The following INTS4 variants were observed in gnomAD, a reference collection of about 807,000 sequenced individuals.
INTS4 encodes MSTP093.
In INTS4, 70 loss-of-function variants were observed where a neutral mutation model predicts 119.5. The observed-to-expected ratio is 0.59, with a 90% CI of 0.48 to 0.71. The LOEUF (loss-of-function observed/expected upper bound fraction) is 0.71. Among genes scored for constraint, INTS4 ranks in the 30% least tolerant of loss-of-function variants. The pLI, the probability that INTS4 is intolerant of heterozygous loss-of-function variation, is 0.00. For synonymous variants in INTS4, 316 were observed against 419.6 expected, an observed-to-expected ratio of 0.75 and a Z score of 3.02; for missense variants, 867 against 1,173.2, an observed-to-expected ratio of 0.74 and a Z score of 3.81.
chr11:77,905,318 G>A (rs1490027935), intron 16 of INTS4, among the ~76,000 whole-genome samples: 3 of 152,026 alleles, frequency 2.0e-5, no homozygotes, highest in South Asian at 2.1e-4. Flanking sequence ...TTAGCCAGGC[G>A]TGGTGGTGCA....
At chr11:77,978,509 C>T (rs1458391438) in intron 4 of INTS4, 2 of 152,170 alleles carry the variant, frequency 1.3e-5, no homozygotes, top group African/African-American at 2.4e-5. Flanking sequence ...AAAAAAAGAA[C>T]GTACAAAACT....
At chr11:77,982,078 A>C (rs1398724001) in intron 2 of INTS4, among the ~76,000 whole-genome samples, 3 of 152,020 alleles carry the variant, frequency 2.0e-5, no homozygotes, top group Non-Finnish European at 4.4e-5. Context: ...GAGTCCCTGG[A>C]AAGTGAGTGT....
At chr11:77,986,123 G>A (rs554571942) in intron 2 of INTS4, among the ~76,000 whole-genome samples, 1 of 152,300 alleles carries the variant, frequency 6.6e-6, no homozygotes, top group African/African-American at 2.4e-5. Flanking sequence ...ACTGGTTAAA[G>A]TGCTTGAGAT....
rs567324184 is a variant in INTS4 at position 77,893,618 on chromosome 11, G to A, written c.2288+672C>T. On this transcript the variant is annotated intron_variant, in intron 19 of 22. Transcript: ENST00000534064. ...AAAAAATAATAATGAGGTCAGACAC[G>A]GCGGTGGCTCACGCCTGTAATCCCA... Among the ~76,000 whole-genome samples, 34 of 151,850 alleles carry A rather than the reference G, an allele frequency of 2.2e-4. No homozygotes were observed. In the East Asian group the frequency reaches 5.8e-3, roughly 26 times the overall value.
In INTS4 at chr11:77,928,458, T is replaced by C. The variant is rs556037618; in HGVS notation, c.1255A>G (p.Met419Val). Residue 419 changes from methionine to valine, a missense_variant, in exon 11 of 23, where the codon ATG becomes GTG. By Grantham distance (21) the Met-to-Val change is conservative (BLOSUM62 1). This residue lies in a region of INTS4 where 208 missense variants were observed against 306.6 expected (regional missense o/e 0.68). Transcript: ENST00000534064. ...ACTTCCTCAATTTCATCGTTGAACA[T>C]GTCAACTAGGAAATCAAGGCACTTC... The part of the protein sequence containing the change: ...AEKCLDFLVD[M>V]FNDEIEEVRL... 9.3e-6 allele frequency: 15 copies of C among 1,612,182 alleles called. No homozygotes were observed. The highest frequency in any genetic ancestry group is 1.3e-5 in the Non-Finnish European group (15 of 1,178,892).
At chr11:77,943,017 C>T (rs1953964570) in intron 8 of INTS4, among the ~76,000 whole-genome samples, 1 of 152,132 alleles carries the variant, frequency 6.6e-6, no homozygotes, top group Non-Finnish European at 1.5e-5. Flanking sequence ...ATCCAAACAA[C>T]AATTTTATAA....
intron 16 of INTS4, 65 bp from the exon 17 acceptor site, chr11:77,903,685 T>A (rs2136446182): frequency 7.7e-7 from 1 of 1,299,786 alleles, no homozygotes; most frequent in South Asian, 1.4e-5. Context: ...TCATTTGGGA[T>A]TTACATTTTT....
chr11:77,915,361 G>A (rs1953182247), intron 15 of INTS4: 1 of 152,222 alleles, frequency 6.6e-6, no homozygotes, highest in Admixed American at 6.5e-5. Flanking sequence ...CAGGGCATGA[G>A]AGTTGCTATG....
chr11:77,979,474 T>TA (rs1158454779), intron 3 of INTS4, among the ~76,000 whole-genome samples: 4 of 150,056 alleles, frequency 2.7e-5, no homozygotes, highest in Non-Finnish European at 4.5e-5. Context: ...GACCCAGTCC[T>TA]AAAAAAACAG....
intron 2 of INTS4, among the ~76,000 whole-genome samples, chr11:77,983,646 C>T (rs1375499841): frequency 2.6e-5 from 4 of 152,110 alleles, no homozygotes; most frequent in African/African-American, 7.2e-5. Flanking sequence ...ATCTCATACT[C>T]GTTAAGATGG....
intron 15 of INTS4, among the ~76,000 whole-genome samples, chr11:77,908,099 A>G (rs527683244): frequency 6.6e-6 from 1 of 152,296 alleles, no homozygotes; most frequent in East Asian, 1.9e-4. Context: ...TAAGAGAAAT[A>G]TTCAACAGAA....
intron 10 of INTS4, among the ~76,000 whole-genome samples, chr11:77,931,175 A>G (rs942937157): frequency 1.8e-4 from 28 of 152,364 alleles, no homozygotes; most frequent in Non-Finnish European, 3.5e-4. Context: ...CCTAAAAACA[A>G]TAACTAAAAG....
chr11:77,889,315 A>G (rs113671826), intron 21 of INTS4, among the ~76,000 whole-genome samples: 25,461 of 148,850 alleles, frequency 0.17, 2,577 homozygotes, highest in African/African-American at 0.27. Context: ...CAAACACCGC[A>G]TGTTCTCACT....
chr11:77,957,955 G>A (rs900386344), intron 7 of INTS4, among the ~76,000 whole-genome samples: 3 of 151,850 alleles, frequency 2.0e-5, no homozygotes, highest in Non-Finnish European at 2.9e-5. Flanking sequence ...AGGCACCACC[G>A]TGTCCAGACT....
chr11:77,985,788 G>A (rs182938636), intron 2 of INTS4, among the ~76,000 whole-genome samples: 17 of 152,158 alleles, frequency 1.1e-4, no homozygotes, highest in Admixed American at 9.2e-4. Flanking sequence ...ATGGTCTGCC[G>A]ACTACACTGC....
chr11:77,950,491 A>C (rs1047417885), intron 8 of INTS4, among the ~76,000 whole-genome samples: 1 of 152,100 alleles, frequency 6.6e-6, no homozygotes, highest in Non-Finnish European at 1.5e-5. Context: ...AAGAGAAATA[A>C]ATTCTGGTGT....
intron 10 of INTS4, among the ~76,000 whole-genome samples, chr11:77,936,084 T>C (rs1331509711): frequency 2.0e-5 from 3 of 151,844 alleles, no homozygotes; most frequent in Middle Eastern, 3.2e-3. Flanking sequence ...TAAAATAATG[T>C]TCAGTATCCA....
intron 11 of INTS4, among the ~76,000 whole-genome samples, chr11:77,926,229 G>T (rs1953496149): frequency 6.6e-6 from 1 of 151,992 alleles, no homozygotes; most frequent in Non-Finnish European, 1.5e-5. Flanking sequence ...GGTCAGCAAG[G>T]TAAGGCTCAA....
chr11:77,928,258 T>C, intron 11 of INTS4, 84 bp downstream of exon 11: 2 of 1,409,838 alleles, frequency 1.4e-6, no homozygotes, highest in Non-Finnish European at 2.0e-6. Flanking sequence ...TATAGTGTTC[T>C]GTCACCAATG....
Sources: allele counts gnomAD v4.1 joint callset (sites outside exome capture counted in the v4.1 genomes callset), GRCh38; gene constraint gnomAD v4.1.1; regional missense constraint gnomAD v4.1.1; transcripts MANE v1.5; gene names NCBI Gene and HGNC (gene_info 2026-07-23, HGNC 2026-07-21).